FAM168B: variants seen among roughly 807,000 people sequenced by gnomAD.
FAM168B encodes family with sequence similarity 168 member B.
FAM168B carries 19 observed loss-of-function variants against 21.8 expected under a neutral mutation model. The ratio of observed to expected loss-of-function variants is 0.87; its 90% CI spans 0.61 to 1.28. FAM168B has a LOEUF of 1.28. Ranked by LOEUF, FAM168B falls within the 50% of genes most tolerant of loss-of-function variation. The pLI, the probability that FAM168B is intolerant of heterozygous loss-of-function variation, is 0.00. For synonymous variants in FAM168B, 126 were observed against 104.8 expected (o/e 1.20, Z -1.24); for missense variants, 233 against 263.1 (o/e 0.89, Z 0.79).
At chr2:131,060,263 A>G (rs1359424545) in intron 3 of FAM168B, among the ~76,000 whole-genome samples, 3 of 152,124 alleles carry the variant, frequency 2.0e-5, no homozygotes, top group Non-Finnish European at 4.4e-5. Flanking sequence ...CAACCTCGTG[A>G]TCCGCCTGCC....
chr2:131,089,209 G>C (rs1394918662), intron 1 of FAM168B, among the ~76,000 whole-genome samples: 3 of 151,802 alleles, frequency 2.0e-5, no homozygotes, highest in African/African-American at 7.2e-5. Flanking sequence ...CAGGTGATCC[G>C]CCAGTCTTGG....
chr2:131,081,985 G>C (rs1325316117), intron 2 of FAM168B, among the ~76,000 whole-genome samples: 1 of 152,110 alleles, frequency 6.6e-6, no homozygotes, highest in Non-Finnish European at 1.5e-5. Context: ...CTTGTGCAAA[G>C]TCACCGAAGG....
chr2:131,048,910 T>C lies in FAM168B; in HGVS notation c.*3555A>G, dbSNP rs957896513. On this transcript the variant is annotated 3_prime_UTR_variant, in exon 7 of 7. Coordinates refer to ENST00000389915, the MANE Select transcript of FAM168B (RefSeq NM_001009993.4). ...CGGGCAACAGCCAAACTGGCGACAA[T>C]GGACACATCCAACAGTCAGCTGTCG... 4 of 985,862 alleles carry C rather than the reference T, an allele frequency of 4.1e-6. No homozygotes were observed. In the African/African-American group the frequency reaches 7.0e-5, roughly 17 times the overall value. The allele number at this position is 985,862 out of a possible 1,614,324, so 61.1% of individuals were successfully genotyped here.
rs1156708049 is a variant in FAM168B at position 131,050,518 on chromosome 2, G to A, written c.*1947C>T. ...TGCCCCCACACATAGACACTAAGAT[G>A]GATTAAGTGCTCATGAAGCAATTTA... On this transcript the variant is annotated 3_prime_UTR_variant, in exon 7 of 7. Coordinates refer to ENST00000389915, the MANE Select transcript of FAM168B (RefSeq NM_001009993.4). The A allele has an allele frequency of 1.0e-6, 1 of 985,588 alleles. No individual in the cohort carries two copies. Among genetic ancestry groups the A allele is most frequent in the Non-Finnish European group, 1.2e-6 (1 of 829,904 alleles). The allele number at this position is 985,588 out of a possible 1,614,324, so 61.1% of individuals were successfully genotyped here. A position where few individuals can be genotyped will look rare whatever the true frequency, so the allele number is the denominator to read the frequency against.
chr2:131,086,831 C>T (rs934707956), intron 1 of FAM168B, among the ~76,000 whole-genome samples: 2 of 95,054 alleles, frequency 2.1e-5, no homozygotes, highest in Non-Finnish European at 3.8e-5. Context: ...TTTGGGAGGC[C>T]GAGGCGGGCG....
intron 3 of FAM168B, among the ~76,000 whole-genome samples, chr2:131,060,170 C>T (rs1692222317): frequency 6.6e-6 from 1 of 152,092 alleles, no homozygotes; most frequent in Non-Finnish European, 1.5e-5. Flanking sequence ...GGACTACAGG[C>T]GTGCACCACC....
intron 3 of FAM168B, among the ~76,000 whole-genome samples, chr2:131,057,760 AT>A (rs1692099518): frequency 2.0e-5 from 3 of 152,188 alleles, no homozygotes; most frequent in Admixed American, 1.3e-4. Context: ...AATAGTAATA[AT>A]AATTAAAGTT....
rs1691718344 is a variant in FAM168B, at chr2:131,052,159, TG to T, written c.*305del. 2.0e-6 allele frequency: 2 copies of T among 985,716 alleles called. No individual in the cohort carries two copies. The highest frequency in any genetic ancestry group is 2.4e-6 in the Non-Finnish European group (2 of 829,942). 61.1% of individuals were successfully genotyped at this position (985,716 alleles called of 1,614,324 possible). A position where few individuals can be genotyped will look rare whatever the true frequency, so the allele number is the denominator to read the frequency against. On this transcript the variant is annotated 3_prime_UTR_variant, in exon 7 of 7. Transcript: ENST00000389915. The stretch of plus-strand genomic sequence containing the variant: ...GTAGATTGAGCAAGCTTTTTGTGTT[TG>T]TTTTTTTAAACATGCATTCAACTAG...
In FAM168B at chr2:131,055,686, G is replaced by A. The variant is rs751096806; in HGVS notation, c.164C>T (p.Pro55Leu). The stretch of plus-strand genomic sequence containing the variant: ...ACAGGACACTTTGTAAGGTGTGCCA[G>A]GAGTGTAACCTGGAACAAAGAAGGC... ...ANPTFQTGYT[P>L]GTPYKVSCSP... The change falls in exon 4 of 7, where the codon CCT becomes CTT. Residue 55 changes from proline (P) to leucine (L), a missense_variant. Physicochemically the swap from Pro to Leu is moderately conservative, Grantham distance 98 (BLOSUM62 -3). Transcript: ENST00000389915. The A allele has an allele frequency of 1.2e-6, 2 of 1,613,820 alleles. No individual in the cohort carries two copies. Among genetic ancestry groups the A allele is most frequent in the South Asian group, 1.1e-5 (1 of 91,052 alleles).
intron 3 of FAM168B, among the ~76,000 whole-genome samples, chr2:131,057,593 T>C (rs917207610): frequency 6.6e-6 from 1 of 152,122 alleles, no homozygotes; most frequent in Admixed American, 6.6e-5. Flanking sequence ...GCACTTAATA[T>C]GTGGGTGTTT....
chr2:131,083,956 T>C (rs1375449257), intron 1 of FAM168B, among the ~76,000 whole-genome samples: 2 of 152,082 alleles, frequency 1.3e-5, no homozygotes, highest in African/African-American at 2.4e-5. Context: ...TAGGCTGGAG[T>C]GCAGTGGCAT....
chr2:131,051,173 C>A lies in FAM168B; in HGVS notation c.*1292G>T. On this transcript the variant is annotated 3_prime_UTR_variant, in exon 7 of 7. Transcript: ENST00000389915. ...CAAAAGAGATGGCAGGAGAGGCTCG[C>A]AGACAACAGACACTGGCCTCCCCCT... 5 of 985,348 alleles carry A rather than the reference C, an allele frequency of 5.1e-6. No homozygotes were observed. The highest frequency in any genetic ancestry group is 6.0e-6 in the Non-Finnish European group (5 of 829,936). The allele number at this position is 985,348 out of a possible 1,614,324, so 61.0% of individuals were successfully genotyped here.
chr2:131,088,274 T>C (rs1300979793), intron 1 of FAM168B, among the ~76,000 whole-genome samples: 2 of 151,962 alleles, frequency 1.3e-5, no homozygotes, highest in African/African-American at 2.4e-5. Context: ...ATGGAGCCTT[T>C]ACATCTAACT....
intron 1 of FAM168B, among the ~76,000 whole-genome samples, chr2:131,087,335 G>A (rs1349736592): frequency 6.6e-6 from 1 of 152,036 alleles, no homozygotes; most frequent in Non-Finnish European, 1.5e-5. Context: ...AGCCAGGTGT[G>A]TTGGCAGGCA....
intron 1 of FAM168B, among the ~76,000 whole-genome samples, chr2:131,087,649 C>T (rs1652027311): frequency 6.6e-6 from 1 of 152,152 alleles, no homozygotes; most frequent in African/African-American, 2.4e-5. Context: ...GGAGACACAG[C>T]TTAGGTACAA....
At chr2:131,059,470 C>T (rs574424179) in intron 3 of FAM168B, among the ~76,000 whole-genome samples, 1 of 152,130 alleles carries the variant, frequency 6.6e-6, no homozygotes, top group South Asian at 2.1e-4. Context: ...GAGACACTGC[C>T]GAATGGGATC....
Position 131,050,435 on chromosome 2 carries a change from GA to G in FAM168B, c.*2029del. On this transcript the variant is annotated 3_prime_UTR_variant, in exon 7 of 7. Coordinates refer to ENST00000389915, the MANE Select transcript of FAM168B (RefSeq NM_001009993.4). The stretch of plus-strand genomic sequence containing the variant: ...CTGCCAACCATCCACTAAACAGATG[GA>G]ATTACCAACAGAGACTTGAAGAAAG... The G allele has an allele frequency of 2.0e-6, 2 of 985,838 alleles. No individual in the cohort carries two copies. Among genetic ancestry groups the G allele is most frequent in the Non-Finnish European group, 2.4e-6 (2 of 829,948 alleles). The allele number at this position is 985,838 out of a possible 1,614,324, so 61.1% of individuals were successfully genotyped here.
intron 3 of FAM168B, among the ~76,000 whole-genome samples, chr2:131,068,564 G>A (rs746942282): frequency 2.6e-5 from 4 of 152,154 alleles, no homozygotes; most frequent in Non-Finnish European, 4.4e-5. Flanking sequence ...CCTGGCACCC[G>A]TCAGCAGATG....
Position 131,049,412 on chromosome 2 carries a change from G to A in FAM168B, c.*3053C>T, listed in dbSNP as rs1691509634. ...GTAGGCCTACAAACCACACCAAGAA[G>A]AACGTTCTTAACAGATGGCTCACGA... On this transcript the variant is annotated 3_prime_UTR_variant, in exon 7 of 7. Coordinates refer to ENST00000389915, the MANE Select transcript of FAM168B (RefSeq NM_001009993.4). 1.0e-6 allele frequency: 1 copy of A among 985,302 alleles called. No homozygotes were observed. Among genetic ancestry groups the A allele is most frequent in the African/African-American group, 1.7e-5 (1 of 57,218 alleles). 61.0% of individuals were successfully genotyped at this position (985,302 alleles called of 1,614,324 possible).
Sources: gnomAD v4.1 joint callset for allele counts (sites outside exome capture counted in the v4.1 genomes callset) on GRCh38, gnomAD v4.1.1 for gene constraint, MANE v1.5 for transcripts, NCBI Gene and HGNC (gene_info 2026-07-23, HGNC 2026-07-21) for gene names.